Variants in NT5C3A observed in about 807,000 individuals in gnomAD.
The protein encoded by NT5C3A is cytosolic 5'-nucleotidase 3A.
NT5C3A carries 23 observed loss-of-function variants against 40.0 expected under a neutral mutation model. That is an observed-to-expected ratio of 0.58 (90% CI 0.41 to 0.81). The LOEUF is 0.81. Among genes scored for constraint, NT5C3A ranks in the 40% least tolerant of loss-of-function variants. The pLI, the probability that NT5C3A is intolerant of heterozygous loss-of-function variation, is 0.00. For synonymous variants in NT5C3A, 130 were observed against 141.4 expected (o/e 0.92, Z 0.57); for missense variants, 328 against 403.0 (o/e 0.81, Z 1.59).
chr7:33,035,688 G>A (rs905474368), intron 1 of NT5C3A, among the ~76,000 whole-genome samples: 16 of 152,180 alleles, frequency 1.1e-4, no homozygotes, highest in South Asian at 2.1e-4. Context: ...AAAATTTAGC[G>A]TAAAAAGGAA....
intron 1 of NT5C3A, chr7:33,029,788 A>C (rs1786146394): frequency 2.0e-6 from 2 of 976,224 alleles, no homozygotes; most frequent in South Asian, 2.7e-5. Context: ...GCTGGTCTCA[A>C]ACTCCTGGGC....
Position 33,036,289 on chromosome 7 carries a change from A to G in NT5C3A, c.139-9374T>C, listed in dbSNP as rs1786600142. On this transcript the variant is annotated intron_variant, in intron 1 of 8. Transcript: ENST00000610140. ...CGGCACATATTGAGGCCGTGTTTCCAGATCAGACTATGCTGGTTTGGGCAG... is the reference window on the plus strand; with the variant it reads ...CGGCACATATTGAGGCCGTGTTTCCGGATCAGACTATGCTGGTTTGGGCAG... The G allele has an allele frequency of 1.3e-4, 50 of 395,076 alleles. 2 individuals carry two copies. Among genetic ancestry groups the G allele is most frequent in the South Asian group, 1.1e-3 (50 of 44,684 alleles). The allele number at this position is 395,076 out of a possible 1,614,324, so 24.5% of individuals were successfully genotyped here.
chr7:33,061,394 T>A (rs1323657251), intron 1 of NT5C3A, among the ~76,000 whole-genome samples: 1 of 149,656 alleles, frequency 6.7e-6, no homozygotes, highest in African/African-American at 2.4e-5. Flanking sequence ...GGGAATTAAC[T>A]TTTTTTTTTA....
At chr7:33,036,035 A>G in intron 1 of NT5C3A, 1 of 1,427,178 alleles carries the variant, frequency 7.0e-7, no homozygotes, top group South Asian at 1.2e-5. Context: ...AAAAAAAAGT[A>G]CACGTGACAT....
At chr7:33,042,341 A>T (rs1255903007) in intron 1 of NT5C3A, among the ~76,000 whole-genome samples, 2 of 152,160 alleles carry the variant, frequency 1.3e-5, no homozygotes, top group Non-Finnish European at 2.9e-5. Context: ...AAAAAACAAA[A>T]AACAAAAAAA....
At chr7:33,031,559 C>T (rs954750140) in intron 1 of NT5C3A, among the ~76,000 whole-genome samples, 1 of 151,810 alleles carries the variant, frequency 6.6e-6, no homozygotes, top group African/African-American at 2.4e-5. Context: ...TGCACTCCAG[C>T]CTGGGTGACA....
At chr7:33,026,758 TGC>T in intron 2 of NT5C3A, 57 bp downstream of exon 2, 1 of 1,166,516 alleles carries the variant, frequency 8.6e-7, no homozygotes, top group Admixed American at 1.7e-5. Context: ...TCTCCCAAAG[TGC>T]TGGAATTACA....
intron 1 of NT5C3A, chr7:33,036,172 T>C (rs559968219): frequency 1.7e-5 from 10 of 605,912 alleles, no homozygotes; most frequent in South Asian, 5.9e-5. Flanking sequence ...GTTTCTTTCA[T>C]TGGGTGGATG....
intron 1 of NT5C3A, among the ~76,000 whole-genome samples, chr7:33,032,780 G>T (rs767738613): frequency 2.0e-5 from 3 of 151,932 alleles, no homozygotes; most frequent in South Asian, 2.1e-4. Context: ...TTGAGACAAG[G>T]TCTCACTCTG....
rs562025261 is a variant in NT5C3A, at chr7:33,030,871, G to A, written c.139-3956C>T. ...TCCCAGCACTTTGGGAGGCTGAGGCGGGCGGATCACGAGGTCAGGAGATCG... is the reference window on the plus strand; with the variant it reads ...TCCCAGCACTTTGGGAGGCTGAGGCAGGCGGATCACGAGGTCAGGAGATCG... On this transcript the variant is annotated intron_variant, in intron 1 of 8. Transcript: ENST00000610140. 7.9e-3 allele frequency among the ~76,000 whole-genome samples: 1,195 copies of A among 151,028 alleles called. 10 individuals are homozygous for A. Among genetic ancestry groups the A allele is most frequent in the Non-Finnish European group, 0.013 (876 of 67,610 alleles).
intron 1 of NT5C3A, among the ~76,000 whole-genome samples, chr7:33,031,551 C>A (rs1442025604): frequency 2.0e-5 from 3 of 151,952 alleles, no homozygotes; most frequent in Non-Finnish European, 4.4e-5. Context: ...CATGCCACTG[C>A]ACTCCAGCCT....
intron 2 of NT5C3A, among the ~76,000 whole-genome samples, chr7:33,024,808 C>CAT (rs375361063): frequency 7.2e-5 from 11 of 151,902 alleles, no homozygotes; most frequent in African/African-American, 9.7e-5. Flanking sequence ...ACATGTACCG[C>CAT]ATATATATAT....
intron 1 of NT5C3A, among the ~76,000 whole-genome samples, chr7:33,040,626 G>A (rs6948212): frequency 6.6e-6 from 1 of 152,038 alleles, no homozygotes; most frequent in Non-Finnish European, 1.5e-5. Flanking sequence ...AACATCTACA[G>A]GTGAAACAAG....
chr7:33,024,635 AC>A (rs1436815489), intron 2 of NT5C3A, among the ~76,000 whole-genome samples: 1 of 152,224 alleles, frequency 6.6e-6, no homozygotes, highest in African/African-American at 2.4e-5. Flanking sequence ...TAGTGTTTAC[AC>A]AGTGGAATGA....
intron 1 of NT5C3A, chr7:33,029,229 T>C (rs1475347506): frequency 2.1e-5 from 3 of 141,854 alleles, no homozygotes; most frequent in Admixed American, 1.5e-4. Context: ...GAAAGGCAGA[T>C]AGGCACTGGT....
intron 1 of NT5C3A, among the ~76,000 whole-genome samples, chr7:33,060,866 C>T (rs1787748270): frequency 6.6e-6 from 1 of 152,174 alleles, no homozygotes; most frequent in Non-Finnish European, 1.5e-5. Context: ...AAAAAGTTAA[C>T]ATGAAGCTCT....
chr7:33,015,099 G>A (rs1173329253), intron 8 of NT5C3A, among the ~76,000 whole-genome samples: 1 of 152,032 alleles, frequency 6.6e-6, no homozygotes, highest in South Asian at 2.1e-4. Flanking sequence ...ATTTAGTAAC[G>A]TCTAGGGACA....
chr7:33,020,917 T>C (rs1358395819), intron 5 of NT5C3A, among the ~76,000 whole-genome samples: 1 of 152,138 alleles, frequency 6.6e-6, no homozygotes, highest in African/African-American at 2.4e-5. Flanking sequence ...GGTAACCATA[T>C]CACCTGCTGG....
intron 7 of NT5C3A, 71 bp downstream of exon 7, chr7:33,017,368 C>A (rs763253457): frequency 2.8e-5 from 35 of 1,248,048 alleles, no homozygotes; most frequent in Non-Finnish European, 3.9e-5. Flanking sequence ...TATTAAGTAA[C>A]AATAAATAAA....
Sources: allele counts gnomAD v4.1 joint callset (sites outside exome capture counted in the v4.1 genomes callset), GRCh38; gene constraint gnomAD v4.1.1; transcripts MANE v1.5; gene names NCBI Gene and HGNC (gene_info 2026-07-23, HGNC 2026-07-21).